Variants in GALNT13 observed in about 807,000 individuals in gnomAD.
GALNT13 encodes UDP-GalNAc:polypeptide N-acetylgalactosaminyltransferase 13.
In GALNT13, 28 loss-of-function variants were observed where a neutral mutation model predicts 64.2. The observed-to-expected ratio is 0.44, with a 90% CI of 0.32 to 0.60. GALNT13 has a LOEUF of 0.60. Among genes scored for constraint, GALNT13 ranks in the 20% least tolerant of loss-of-function variants. GALNT13 has a pLI of 0.05. For missense variants in GALNT13, 577 were observed against 669.8 expected (o/e 0.86, Z 1.53); for synonymous variants, 214 against 224.6 (o/e 0.95, Z 0.42).
At chr2:154,189,448 C>T (rs1462814101) in intron 4 of GALNT13, among the ~76,000 whole-genome samples, 4 of 127,148 alleles carry the variant, frequency 3.1e-5, no homozygotes, top group Non-Finnish European at 6.3e-5. Flanking sequence ...TGCTTGTTCA[C>T]TTTCTCTCTT....
intron 4 of GALNT13, among the ~76,000 whole-genome samples, chr2:154,228,712 A>G (rs1010314876): frequency 2.0e-5 from 3 of 152,140 alleles, no homozygotes; most frequent in Non-Finnish European, 4.4e-5. Flanking sequence ...ATAACAATGT[A>G]TGAGAAAACA....
intron 4 of GALNT13, among the ~76,000 whole-genome samples, chr2:154,151,218 G>C (rs1683994920): frequency 6.6e-6 from 1 of 152,156 alleles, no homozygotes; most frequent in African/African-American, 2.4e-5. Flanking sequence ...AGGTTGTTCA[G>C]TTTCCATGTA....
chr2:153,463,601 C>G, the GALNT13 span, among the ~76,000 whole-genome samples: 48 of 152,118 alleles, frequency 3.2e-4, no homozygotes, highest in Middle Eastern at 0.01. Flanking sequence ...GCATATGAAA[C>G]CTAGGCTCAA....
At chr2:153,303,622 G>A in the GALNT13 span, among the ~76,000 whole-genome samples, 7 of 152,182 alleles carry the variant, frequency 4.6e-5, no homozygotes, top group Admixed American at 2.6e-4. Flanking sequence ...TCCTTGTCTT[G>A]GTCCTGATTT....
At chr2:154,216,884 A>G (rs939748587) in intron 4 of GALNT13, among the ~76,000 whole-genome samples, 9 of 129,336 alleles carry the variant, frequency 7.0e-5, no homozygotes, top group Non-Finnish European at 1.2e-4. Flanking sequence ...ATTATAGCTC[A>G]TTGCCTCAAA....
chr2:153,731,238 A>T, the GALNT13 span, among the ~76,000 whole-genome samples: 1 of 151,892 alleles, frequency 6.6e-6, no homozygotes, highest in Non-Finnish European at 1.5e-5. Context: ...CCATAATCCC[A>T]AATACAATAA....
chr2:153,240,837 G>A, the GALNT13 span, among the ~76,000 whole-genome samples: 120 of 152,114 alleles, frequency 7.9e-4, no homozygotes, highest in Non-Finnish European at 1.3e-3. Context: ...TCTCCTGATT[G>A]GTTTGGGTCC....
chr2:154,159,347 C>T (rs935304086), intron 4 of GALNT13, among the ~76,000 whole-genome samples: 12 of 151,994 alleles, frequency 7.9e-5, no homozygotes, highest in African/African-American at 2.9e-4. Context: ...GTTGGCCAGG[C>T]TGGTCTCGAA....
the GALNT13 span, among the ~76,000 whole-genome samples, chr2:153,228,026 T>A: frequency 6.6e-6 from 1 of 152,212 alleles, no homozygotes; most frequent in East Asian, 1.9e-4. Context: ...TGGATATGGA[T>A]TGGTATAGTA....
At chr2:153,795,409 G>A in the GALNT13 span, among the ~76,000 whole-genome samples, 2 of 152,062 alleles carry the variant, frequency 1.3e-5, no homozygotes, top group Non-Finnish European at 2.9e-5. Context: ...AGAAAACCGA[G>A]CTGAATTACC....
At chr2:154,388,368 C>T (rs1698615504) in intron 9 of GALNT13, among the ~76,000 whole-genome samples, 1 of 152,088 alleles carries the variant, frequency 6.6e-6, no homozygotes, top group Non-Finnish European at 1.5e-5. Context: ...TTAATTGTTT[C>T]CTTTGCTGTG....
the GALNT13 span, among the ~76,000 whole-genome samples, chr2:153,296,394 C>G: frequency 6.6e-6 from 1 of 152,118 alleles, no homozygotes; most frequent in African/African-American, 2.4e-5. Flanking sequence ...AAATTAACAA[C>G]TTCCTTATCC....
intron 3 of GALNT13, among the ~76,000 whole-genome samples, chr2:154,118,342 C>T (rs1170395273): frequency 7.2e-6 from 1 of 139,418 alleles, no homozygotes; most frequent in Non-Finnish European, 1.5e-5. Context: ...TATAACTATG[C>T]TGTCTATCTT....
At chr2:153,546,321 T>A in the GALNT13 span, among the ~76,000 whole-genome samples, 3 of 152,232 alleles carry the variant, frequency 2.0e-5, no homozygotes, top group African/African-American at 4.8e-5. Flanking sequence ...GAAAAAACTT[T>A]GTATTTCTGT....
At chr2:154,183,121 A>G (rs1686053667) in intron 4 of GALNT13, among the ~76,000 whole-genome samples, 1 of 152,080 alleles carries the variant, frequency 6.6e-6, no homozygotes, top group African/African-American at 2.4e-5. Flanking sequence ...TCTTCTTTAA[A>G]TATTTGTTAG....
intron 7 of GALNT13, among the ~76,000 whole-genome samples, chr2:154,251,118 G>T (rs748737684): frequency 5.9e-5 from 9 of 152,066 alleles, no homozygotes; most frequent in Non-Finnish European, 1.2e-4. Context: ...TTTCTTAGCA[G>T]CCTGTTGGGA....
chr2:154,419,992 T>C (rs994599514), intron 11 of GALNT13, among the ~76,000 whole-genome samples: 1 of 152,156 alleles, frequency 6.6e-6, no homozygotes, highest in Non-Finnish European at 1.5e-5. Flanking sequence ...ATTCTGTTTT[T>C]TAATGTACAT....
At chr2:153,248,661 A>G in the GALNT13 span, among the ~76,000 whole-genome samples, 6 of 151,568 alleles carry the variant, frequency 4.0e-5, no homozygotes, top group African/African-American at 1.5e-4. Flanking sequence ...AAAAAATACA[A>G]AAAAATTAGC....
chr2:153,759,886 C>A, the GALNT13 span, among the ~76,000 whole-genome samples: 2 of 151,960 alleles, frequency 1.3e-5, no homozygotes, highest in African/African-American at 4.8e-5. Context: ...TATATTAGTT[C>A]TCCTTTAAGT....
Sources: gnomAD v4.1 joint callset for allele counts (sites outside exome capture counted in the v4.1 genomes callset) on GRCh38, gnomAD v4.1.1 for gene constraint, MANE v1.5 for transcripts, NCBI Gene and HGNC (gene_info 2026-07-23, HGNC 2026-07-21) for gene names.